Variants in ZBTB7C observed in about 807,000 individuals in gnomAD.
The protein encoded by ZBTB7C is zinc finger and BTB domain containing 7C, also known as zinc finger and BTB domain-containing protein 7C.
Under a neutral mutation model 25.7 loss-of-function variants are expected in ZBTB7C, and 8 were observed. The ratio of observed to expected loss-of-function variants is 0.31; its 90% CI spans 0.18 to 0.56. ZBTB7C has a LOEUF of 0.56. Ranked by LOEUF, ZBTB7C falls within the 20% of genes least tolerant of loss-of-function variation. The pLI is 0.91. For synonymous variants in ZBTB7C, 394 were observed against 369.0 expected (o/e 1.07, Z -0.78); for missense variants, 824 against 855.2 (o/e 0.96, Z 0.46).
chr18:48,189,634 C>T lies in ZBTB7C; in HGVS notation c.-78-3639G>A, dbSNP rs554588296. Among the ~76,000 whole-genome samples the T allele has an allele frequency of 5.3e-5, 8 of 152,286 alleles. No individual in the cohort carries two copies. In the South Asian group the frequency reaches 1.7e-3, roughly 32 times the overall value. On this transcript the variant is annotated intron_variant, in intron 2 of 4. Transcript: ENST00000590800. The stretch of plus-strand genomic sequence containing the variant: ...GCTGCCTCTCCCCCACCCATCCTTC[C>T]AGGTGCCCCTCGCCTTGGATAGATA...
chr18:48,281,554 C>G (rs914786512), intron 2 of ZBTB7C, among the ~76,000 whole-genome samples: 1 of 152,036 alleles, frequency 6.6e-6, no homozygotes, highest in Admixed American at 6.6e-5. Flanking sequence ...TTTTTGCAAC[C>G]TACTCATCTG....
chr18:48,275,684 A>G (rs987265264), intron 2 of ZBTB7C, among the ~76,000 whole-genome samples: 7 of 152,232 alleles, frequency 4.6e-5, no homozygotes, highest in Admixed American at 2.0e-4. Flanking sequence ...TTTTTGTAGC[A>G]TTAAGGGACC....
At chr18:48,213,054 C>G (rs2042739584) in intron 2 of ZBTB7C, among the ~76,000 whole-genome samples, 1 of 152,216 alleles carries the variant, frequency 6.6e-6, no homozygotes, top group South Asian at 2.1e-4. Flanking sequence ...GCAGCTCCCC[C>G]AGCTTACACC....
At chr18:48,054,283 G>T (rs1450478211) in intron 3 of ZBTB7C, among the ~76,000 whole-genome samples, 1 of 152,130 alleles carries the variant, frequency 6.6e-6, no homozygotes, top group African/African-American at 2.4e-5. Context: ...AGGGAAGGGC[G>T]GCCGGAACCA....
intron 3 of ZBTB7C, among the ~76,000 whole-genome samples, chr18:48,136,382 C>A (rs888204358): frequency 1.3e-5 from 2 of 152,162 alleles, no homozygotes; most frequent in African/African-American, 2.4e-5. Flanking sequence ...CAGCTCAGCG[C>A]GCGATTTGAG....
intron 1 of ZBTB7C, among the ~76,000 whole-genome samples, chr18:48,386,969 A>G (rs1158594358): frequency 6.6e-6 from 1 of 152,170 alleles, no homozygotes; most frequent in Non-Finnish European, 1.5e-5. Flanking sequence ...ACGGTGCTAT[A>G]GGAGTAATTA....
chr18:48,222,387 A>G (rs2042985077), intron 2 of ZBTB7C, among the ~76,000 whole-genome samples: 1 of 152,188 alleles, frequency 6.6e-6, no homozygotes, highest in South Asian at 2.1e-4. Context: ...CTGCCCATTG[A>G]GCAACTGTGG....
chr18:48,062,236 C>T (rs1377307857), intron 3 of ZBTB7C, among the ~76,000 whole-genome samples: 1 of 152,196 alleles, frequency 6.6e-6, no homozygotes, highest in East Asian at 1.9e-4. Context: ...CATTGTGTTC[C>T]TGAGGGTTCA....
intron 2 of ZBTB7C, among the ~76,000 whole-genome samples, chr18:48,330,189 G>C (rs763553901): frequency 3.9e-5 from 6 of 152,182 alleles, no homozygotes; most frequent in Non-Finnish European, 8.8e-5. Flanking sequence ...CTTGAGGACA[G>C]GGCATGCCCC....
chr18:48,034,892 C>T (rs1250173957), intron 4 of ZBTB7C, among the ~76,000 whole-genome samples: 1 of 152,182 alleles, frequency 6.6e-6, no homozygotes, highest in Non-Finnish European at 1.5e-5. Context: ...AAGAAAAGGG[C>T]TGTGGGGCCT....
intron 3 of ZBTB7C, among the ~76,000 whole-genome samples, chr18:48,091,355 T>C (rs2144553467): frequency 6.6e-6 from 1 of 150,988 alleles, no homozygotes; most frequent in South Asian, 2.1e-4. Context: ...AGTGCTGGGA[T>C]TGTAGGCATG....
intron 1 of ZBTB7C, among the ~76,000 whole-genome samples, chr18:48,360,353 G>A (rs1274830776): frequency 6.6e-6 from 1 of 152,202 alleles, no homozygotes; most frequent in Non-Finnish European, 1.5e-5. Flanking sequence ...TTTAGACAAT[G>A]AATATTTCTC....
chr18:48,274,660 G>A (rs2044592450), intron 2 of ZBTB7C, among the ~76,000 whole-genome samples: 1 of 152,198 alleles, frequency 6.6e-6, no homozygotes, highest in Non-Finnish European at 1.5e-5. Flanking sequence ...CATCCACTCT[G>A]TTCTGTTGGA....
chr18:48,030,806 G>A (rs754611445), intron 4 of ZBTB7C, among the ~76,000 whole-genome samples: 3 of 152,220 alleles, frequency 2.0e-5, no homozygotes, highest in Non-Finnish European at 4.4e-5. Flanking sequence ...GGGTCTGTGT[G>A]AGCTAGATTC....
intron 3 of ZBTB7C, among the ~76,000 whole-genome samples, chr18:48,117,248 G>A (rs1222281595): frequency 6.6e-6 from 1 of 152,198 alleles, no homozygotes; most frequent in East Asian, 1.9e-4. Context: ...AAATTTAGAT[G>A]CCTCAAAATG....
intron 1 of ZBTB7C, among the ~76,000 whole-genome samples, chr18:48,343,451 A>T (rs1055435075): frequency 1.3e-5 from 2 of 152,220 alleles, no homozygotes; most frequent in South Asian, 2.1e-4. Flanking sequence ...GCAATAAAAT[A>T]AAAAAGTACT....
chr18:48,404,801 GCAGCATTCATT>G (rs565567204), intron 1 of ZBTB7C, among the ~76,000 whole-genome samples: 1,646 of 152,266 alleles, frequency 0.011, 18 homozygotes, highest in Middle Eastern at 0.017. Flanking sequence ...TGCCCAGCCC[GCAGCATTCATT>G]CAGCAAATGT....
chr18:48,040,155 G>C lies in ZBTB7C; in HGVS notation c.953C>G (p.Pro318Arg), dbSNP rs371251738. 2.5e-6 allele frequency: 4 copies of C among 1,577,714 alleles called. No individual in the cohort carries two copies. The highest frequency in any genetic ancestry group is 3.4e-6 in the Non-Finnish European group (4 of 1,162,246). ...CTTGATGGGTCCCAGAGGCCCCCCC[G>C]GCAGGTCAGGGAACATGTCCTTGAA... is the stretch of plus-strand genomic sequence containing the variant. ...DFFKDMFPDL[P>R]GGPLGPIKAE... Residue 318 changes from proline to arginine, a missense_variant, in exon 4 of 5, where the codon CCG becomes CGG. Pro to Arg is a moderately radical substitution (Grantham distance 103). Transcript: ENST00000590800.
chr18:48,196,710 T>TA (rs1239101548), intron 2 of ZBTB7C, among the ~76,000 whole-genome samples: 10 of 152,194 alleles, frequency 6.6e-5, no homozygotes, highest in Non-Finnish European at 1.5e-4. Flanking sequence ...GACCCAGCTC[T>TA]ATGGGTCACA....
Sources: allele counts gnomAD v4.1 joint callset (sites outside exome capture counted in the v4.1 genomes callset), GRCh38; gene constraint gnomAD v4.1.1; transcripts MANE v1.5; gene names NCBI Gene and HGNC (gene_info 2026-07-23, HGNC 2026-07-21).